Variants in SAMD12 observed in about 807,000 individuals in gnomAD.
The protein encoded by SAMD12 is sterile alpha motif domain-containing protein 12.
A neutral mutation model predicts 15.0 loss-of-function variants in SAMD12; 9 were observed. The ratio of observed to expected loss-of-function variants is 0.60; its 90% CI spans 0.36 to 1.05. The LOEUF (loss-of-function observed/expected upper bound fraction) is 1.05, where lower values mean the gene tolerates loss of function less well. Among genes scored for constraint, SAMD12 ranks in the 50% least tolerant of loss-of-function variants. The pLI is 0.01. For synonymous variants in SAMD12, 86 were observed against 90.1 expected (o/e 0.96, Z 0.25); for missense variants, 230 against 234.2 (o/e 0.98, Z 0.12).
chr8:118,274,574 T>G (rs1813431383), intron 4 of SAMD12, among the ~76,000 whole-genome samples: 1 of 152,176 alleles, frequency 6.6e-6, no homozygotes, highest in African/African-American at 2.4e-5. Context: ...TCCCATGCTC[T>G]CCTCAGATGT....
At chr8:118,198,467 C>T (rs1819626882) in intron 4 of SAMD12, among the ~76,000 whole-genome samples, 1 of 152,020 alleles carries the variant, frequency 6.6e-6, no homozygotes, top group African/African-American at 2.4e-5. Context: ...TATATGAGTA[C>T]AATGGAATGT....
intron 4 of SAMD12, among the ~76,000 whole-genome samples, chr8:118,236,554 A>C (rs2129947470): frequency 6.6e-6 from 1 of 152,180 alleles, no homozygotes; most frequent in East Asian, 1.9e-4. Context: ...AATATAAAAT[A>C]ATGGATTATT....
At chr8:118,600,593 T>C (rs1827835892) in intron 1 of SAMD12, among the ~76,000 whole-genome samples, 1 of 152,200 alleles carries the variant, frequency 6.6e-6, no homozygotes, top group Non-Finnish European at 1.5e-5. Context: ...ATTCCCCTCT[T>C]CCATGCTTCT....
chr8:118,555,743 C>T (rs1022904540), intron 2 of SAMD12, among the ~76,000 whole-genome samples: 2 of 152,334 alleles, frequency 1.3e-5, no homozygotes, highest in African/African-American at 4.8e-5. Context: ...CAGCTCCTGG[C>T]TCTGTTGTAT....
intron 4 of SAMD12, among the ~76,000 whole-genome samples, chr8:118,222,044 C>A (rs1329660061): frequency 6.6e-6 from 1 of 152,138 alleles, no homozygotes; most frequent in Non-Finnish European, 1.5e-5. Flanking sequence ...ATGGCAGTAC[C>A]AGTGACAGCA....
At chr8:118,285,007 A>C (rs1238968762) in intron 4 of SAMD12, 3 of 151,690 alleles carry the variant, frequency 2.0e-5, no homozygotes, top group African/African-American at 7.3e-5. Flanking sequence ...GTTGGAAACT[A>C]TATGGTCCCA....
intron 2 of SAMD12, among the ~76,000 whole-genome samples, chr8:118,457,689 A>T (rs995364456): frequency 6.6e-6 from 1 of 152,190 alleles, no homozygotes; most frequent in African/African-American, 2.4e-5. Flanking sequence ...GTATGAAAAG[A>T]TAAGAAACAC....
chr8:118,423,116 CGAGGCTGCAGT>C (rs1822075975), intron 3 of SAMD12, among the ~76,000 whole-genome samples: 1 of 152,062 alleles, frequency 6.6e-6, no homozygotes, highest in African/African-American at 2.4e-5. Context: ...CCCAGGGTAT[CGAGGCTGCAGT>C]GAGCCGTGAT....
intron 4 of SAMD12, among the ~76,000 whole-genome samples, chr8:118,353,264 T>C (rs1052425402): frequency 2.0e-5 from 3 of 149,896 alleles, no homozygotes; most frequent in African/African-American, 4.9e-5. Context: ...CTAACCAACA[T>C]ACTAGATAGT....
Position 118,439,903 on chromosome 8 carries a change from T to C in SAMD12, c.251A>G (p.Lys84Arg). The change falls in exon 3 of 4, where the codon AAG becomes AGG. Residue 84 changes from lysine to arginine, a missense_variant. Physicochemically the swap from Lys to Arg is conservative, Grantham distance 26. Transcript: ENST00000314727. The part of the protein sequence containing the change: ...VALWTQQDVC[K>R]WLKKHCPNQY... Reference sequence around the variant, plus strand: ...ATTCGGACAATGTTTCTTCAACCACTTGCAGACATCCTGCTGGGTCCATAG... The same window carrying C: ...ATTCGGACAATGTTTCTTCAACCACCTGCAGACATCCTGCTGGGTCCATAG... The C allele has an allele frequency of 1.2e-6, 2 of 1,613,668 alleles. No individual in the cohort carries two copies. Among genetic ancestry groups the C allele is most frequent in the Non-Finnish European group, 1.7e-6 (2 of 1,179,590 alleles).
chr8:118,543,648 T>TTTTTTTTTTTTTTTC (rs1826047423), intron 2 of SAMD12, among the ~76,000 whole-genome samples: 1 of 140,494 alleles, frequency 7.1e-6, no homozygotes, highest in African/African-American at 2.8e-5. Flanking sequence ...TTTTTTTTTT[T>TTTTTTTTTTTTTTTC]AGCTCACCAG....
At chr8:118,159,740 C>T in the SAMD12 span, among the ~76,000 whole-genome samples, 7 of 132,146 alleles carry the variant, frequency 5.3e-5, no homozygotes, top group Non-Finnish European at 7.9e-5. Flanking sequence ...TTTGAGAGGG[C>T]GTCTCACTCT....
chr8:118,550,853 A>G (rs1341469631), intron 2 of SAMD12, among the ~76,000 whole-genome samples: 1 of 150,794 alleles, frequency 6.6e-6, no homozygotes, highest in Non-Finnish European at 1.5e-5. Flanking sequence ...GCAAATGGAA[A>G]ACAAAAAAAG....
At chr8:118,176,187 G>C in the SAMD12 span, among the ~76,000 whole-genome samples, 1 of 152,152 alleles carries the variant, frequency 6.6e-6, no homozygotes, top group African/African-American at 2.4e-5. Flanking sequence ...TGTAGTCCCA[G>C]CTACTCAGAA....
chr8:118,539,388 C>G (rs1328694300), intron 2 of SAMD12, among the ~76,000 whole-genome samples: 1 of 152,194 alleles, frequency 6.6e-6, no homozygotes, highest in Non-Finnish European at 1.5e-5. Context: ...GTATGGCTGA[C>G]TTCTACCCAG....
rs538562799 is a variant in SAMD12 at position 118,493,453 on chromosome 8, C to T, written c.193-53492G>A. Among the ~76,000 whole-genome samples, 210 of 152,284 alleles carry T rather than the reference C, an allele frequency of 1.4e-3. 1 individual carries two copies. Among genetic ancestry groups the T allele is most frequent in the African/African-American group, 4.7e-3 (197 of 41,550 alleles). On this transcript the variant is annotated intron_variant, in intron 2 of 3. Coordinates refer to ENST00000314727, the MANE Select transcript of SAMD12 (RefSeq NM_207506.3). Reference sequence around the variant, plus strand: ...TCCTCATAAATTAAAGGAAGCTCATCGTCTGCCTCTACCTCTCCTTATAGC... The same window carrying T: ...TCCTCATAAATTAAAGGAAGCTCATTGTCTGCCTCTACCTCTCCTTATAGC...
At chr8:118,495,297 G>A (rs563583676) in intron 2 of SAMD12, among the ~76,000 whole-genome samples, 1 of 152,242 alleles carries the variant, frequency 6.6e-6, no homozygotes, top group African/African-American at 2.4e-5. Context: ...CAGCACATGA[G>A]TCTCAGAAGC....
At chr8:118,136,547 C>T in the SAMD12 span, among the ~76,000 whole-genome samples, 2 of 152,198 alleles carry the variant, frequency 1.3e-5, no homozygotes, top group African/African-American at 4.8e-5. Context: ...TTTTGTCATC[C>T]TTTGGGCTCA....
intron 2 of SAMD12, among the ~76,000 whole-genome samples, chr8:118,565,502 A>G (rs1466370767): frequency 6.6e-6 from 1 of 152,214 alleles, no homozygotes; most frequent in Non-Finnish European, 1.5e-5. Flanking sequence ...CCTAGAGACA[A>G]GGACCAGCAG....
Sources: allele counts gnomAD v4.1 joint callset (sites outside exome capture counted in the v4.1 genomes callset), GRCh38; gene constraint gnomAD v4.1.1; transcripts MANE v1.5; gene names NCBI Gene and HGNC (gene_info 2026-07-23, HGNC 2026-07-21).